RNLS: variants seen among roughly 807,000 people sequenced by gnomAD.
RNLS encodes the protein renalase, FAD dependent amine oxidase.
In RNLS, 39 loss-of-function variants were observed where a neutral mutation model predicts 39.8. The ratio of observed to expected loss-of-function variants is 0.98; its 90% CI spans 0.76 to 1.28. The LOEUF (loss-of-function observed/expected upper bound fraction) is 1.28. Among genes scored for constraint, RNLS ranks in the 50% most tolerant of loss-of-function variants. RNLS has a pLI of 0.00. For synonymous variants in RNLS, 147 were observed against 150.7 expected, an observed-to-expected ratio of 0.98 and a Z score of 0.18; for missense variants, 410 against 413.3, an observed-to-expected ratio of 0.99 and a Z score of 0.07.
At chr10:88,317,648 T>C (rs1418640887) in intron 5 of RNLS, among the ~76,000 whole-genome samples, 1 of 152,250 alleles carries the variant, frequency 6.6e-6, no homozygotes, top group Non-Finnish European at 1.5e-5. Context: ...TTCACTTTGT[T>C]CTATAACAGT....
intron 6 of RNLS, among the ~76,000 whole-genome samples, chr10:88,313,868 A>T (rs901016082): frequency 9.9e-5 from 15 of 152,226 alleles, no homozygotes; most frequent in Non-Finnish European, 2.2e-4. Flanking sequence ...TTTCAGAAAA[A>T]GTCAACATTT....
intron 4 of RNLS, among the ~76,000 whole-genome samples, chr10:88,550,266 G>A (rs1409029541): frequency 1.3e-5 from 2 of 152,146 alleles, no homozygotes; most frequent in Non-Finnish European, 2.9e-5. Context: ...GAAGGGACAG[G>A]ATAAAAGGAA....
chr10:88,480,768 A>G (rs914658128), intron 4 of RNLS, among the ~76,000 whole-genome samples: 1 of 142,780 alleles, frequency 7.0e-6, no homozygotes, highest in African/African-American at 2.7e-5. Flanking sequence ...CTGCATTAGT[A>G]CTGTTTATTC....
At chr10:88,575,262 G>T (rs1376202610) in intron 3 of RNLS, among the ~76,000 whole-genome samples, 1 of 140,214 alleles carries the variant, frequency 7.1e-6, no homozygotes, top group African/African-American at 2.7e-5. Flanking sequence ...AGGTGTATAT[G>T]TATATGTGTG....
At chr10:88,461,130 G>A (rs1842913731) in intron 4 of RNLS, among the ~76,000 whole-genome samples, 1 of 152,058 alleles carries the variant, frequency 6.6e-6, no homozygotes, top group Non-Finnish European at 1.5e-5. Flanking sequence ...GTGCCAATCT[G>A]CCCTTAGCTT....
intron 6 of RNLS, among the ~76,000 whole-genome samples, chr10:88,286,979 G>C (rs1843317980): frequency 6.6e-6 from 1 of 151,674 alleles, no homozygotes; most frequent in African/African-American, 2.4e-5. Context: ...TTTAGAGATG[G>C]GGTCTCACTA....
the RNLS span, among the ~76,000 whole-genome samples, chr10:88,198,827 C>T: frequency 6.6e-6 from 1 of 152,248 alleles, no homozygotes; most frequent in Non-Finnish European, 1.5e-5. Context: ...ATAAATAACC[C>T]AGTGTCAAGT....
At chr10:88,362,266 C>G (rs190723650) in intron 5 of RNLS, among the ~76,000 whole-genome samples, 3 of 152,190 alleles carry the variant, frequency 2.0e-5, no homozygotes, top group Admixed American at 2.0e-4. Flanking sequence ...ATAGATGCAT[C>G]CATATTAAAG....
intron 4 of RNLS, among the ~76,000 whole-genome samples, chr10:88,388,794 A>T (rs1852019056): frequency 6.6e-6 from 1 of 152,166 alleles, no homozygotes; most frequent in Non-Finnish European, 1.5e-5. Context: ...ATCAAACTCC[A>T]TTAAGACAAG....
At chr10:88,271,705 T>G (rs1343166478), downstream of RNLS, among the ~76,000 whole-genome samples, 1 of 152,192 alleles carries the variant, frequency 6.6e-6, no homozygotes, top group African/African-American at 2.4e-5. Context: ...AATTGGTATC[T>G]TTCATCTTGG....
At chr10:88,369,766 G>A (rs1298054712) in intron 4 of RNLS, among the ~76,000 whole-genome samples, 2 of 152,042 alleles carry the variant, frequency 1.3e-5, no homozygotes, top group Admixed American at 6.6e-5. Context: ...TGCAACCTCC[G>A]CCTCCTGGGT....
At chr10:88,353,017 C>G (rs11492684) in intron 5 of RNLS, among the ~76,000 whole-genome samples, 1 of 151,910 alleles carries the variant, frequency 6.6e-6, no homozygotes, top group Non-Finnish European at 1.5e-5. Context: ...TGTGATGGTA[C>G]TTGGTATTTC....
At chr10:88,366,226 C>T (rs1302762289) in intron 4 of RNLS, among the ~76,000 whole-genome samples, 1 of 152,014 alleles carries the variant, frequency 6.6e-6, no homozygotes, top group Non-Finnish European at 1.5e-5. Context: ...ATATGTGTTA[C>T]CTCTGAGGAT....
chr10:88,296,328 C>T (rs953401334), intron 6 of RNLS, among the ~76,000 whole-genome samples: 13 of 152,148 alleles, frequency 8.5e-5, no homozygotes, highest in African/African-American at 3.1e-4. Context: ...GGCCTCACTA[C>T]TACCTCTTCC....
chr10:88,266,495 A>G, the RNLS span, among the ~76,000 whole-genome samples: 2 of 152,128 alleles, frequency 1.3e-5, no homozygotes, highest in African/African-American at 4.8e-5. Flanking sequence ...GTCTCAGTAT[A>G]CTTTGCCTTG....
intron 5 of RNLS, among the ~76,000 whole-genome samples, chr10:88,337,987 T>C (rs943681240): frequency 6.6e-6 from 1 of 152,342 alleles, no homozygotes; most frequent in South Asian, 2.1e-4. Flanking sequence ...CTATTTCCTT[T>C]AGAAAGCATG....
chr10:88,551,709 G>A (rs1464711472), intron 4 of RNLS, among the ~76,000 whole-genome samples: 1 of 151,934 alleles, frequency 6.6e-6, no homozygotes, highest in Non-Finnish European at 1.5e-5. Context: ...AAGAACACAA[G>A]CTTTGTAGTC....
intron 5 of RNLS, among the ~76,000 whole-genome samples, chr10:88,317,074 C>G (rs1179361404): frequency 6.6e-6 from 1 of 152,072 alleles, no homozygotes; most frequent in Admixed American, 6.5e-5. Flanking sequence ...TGCTATTTTT[C>G]TTTTTCTTTT....
At chr10:88,531,750 C>A (rs750698421) in intron 4 of RNLS, among the ~76,000 whole-genome samples, 2 of 152,012 alleles carry the variant, frequency 1.3e-5, no homozygotes, top group Non-Finnish European at 2.9e-5. Context: ...GGGTTTCCAG[C>A]GATCTGTGAA....
Sources: gnomAD v4.1 joint callset for allele counts (sites outside exome capture counted in the v4.1 genomes callset) on GRCh38, gnomAD v4.1.1 for gene constraint, MANE v1.5 for transcripts, NCBI Gene and HGNC (gene_info 2026-07-23, HGNC 2026-07-21) for gene names.